Variants in HEPH observed in about 807,000 individuals in gnomAD.
HEPH encodes hephaestin.
HEPH carries 69 observed loss-of-function variants against 80.8 expected under a neutral mutation model. The ratio of observed to expected loss-of-function variants is 0.85; its 90% CI spans 0.70 to 1.04. The LOEUF (loss-of-function observed/expected upper bound fraction) is 1.04. Among genes scored for constraint, HEPH ranks in the 50% least tolerant of loss-of-function variants. The probability of loss-of-function intolerance (pLI) is 0.00; values close to 1 mark genes in which losing one functional copy is unlikely to be tolerated. For missense variants in HEPH, 1,115 were observed against 891.3 expected (o/e 1.25, Z -3.20); for synonymous variants, 431 against 322.8 (o/e 1.34, Z -3.60).
At chrX:66,218,958 T>C (rs967681044) in intron 15 of HEPH, among the ~76,000 whole-genome samples, 13 of 112,035 alleles carry the variant, frequency 1.2e-4, no homozygotes, top group Admixed American at 6.6e-4. Flanking sequence ...TACTTCCTCT[T>C]TCTTTGGAGG....
At chrX:66,208,622 A>G (rs1479809718) in intron 15 of HEPH, among the ~76,000 whole-genome samples, 2 of 60,591 alleles carry the variant, frequency 3.3e-5, no homozygotes, top group Admixed American at 5.1e-4. Context: ...CATCTCAAAT[A>G]TATACATACA....
chrX:66,172,233 C>T lies in HEPH; in HGVS notation c.168-122C>T, dbSNP rs950087864. The T allele has an allele frequency of 1.8e-5, 11 of 609,339 alleles. No individual in the cohort carries two copies. The African/African-American group carries it at 2.3e-4, about 13-fold the overall frequency. 50.2% of individuals were successfully genotyped at this position (609,339 alleles called of 1,213,427 possible). A position where few individuals can be genotyped will look rare whatever the true frequency, so the allele number is the denominator to read the frequency against. ...TTTCATGTTTTGATCAGTACAATGC[C>T]ATTTCCTCTTGTTTTGTCCTAAACA... On this transcript the variant is annotated intron_variant, in intron 2 of 20. Transcript: ENST00000343002.
At chrX:66,187,627 C>T (rs910184182) in intron 4 of HEPH, among the ~76,000 whole-genome samples, 1 of 111,402 alleles carries the variant, frequency 9.0e-6, no homozygotes, top group Admixed American at 9.5e-5. Flanking sequence ...GCTGTGAATA[C>T]CAGCACAGTA....
At chrX:66,232,345 T>C (rs1419550727) in intron 15 of HEPH, among the ~76,000 whole-genome samples, 2 of 111,651 alleles carry the variant, frequency 1.8e-5, no homozygotes, top group African/African-American at 6.5e-5. Context: ...ATAGAAAATT[T>C]ACTCTAAGTG....
intron 12 of HEPH, among the ~76,000 whole-genome samples, chrX:66,202,297 T>A (rs1027889340): frequency 9.0e-6 from 1 of 111,470 alleles, no homozygotes; most frequent in African/African-American, 3.3e-5. Flanking sequence ...CTAGTTGAGT[T>A]TGAGACAATG....
At chrX:66,236,738 C>T (rs1317003438) in intron 15 of HEPH, among the ~76,000 whole-genome samples, 1 of 111,108 alleles carries the variant, frequency 9.0e-6, no homozygotes, top group Admixed American at 9.6e-5. Context: ...TCTGTCTGGT[C>T]CTGTGCTCTT....
intron 13 of HEPH, among the ~76,000 whole-genome samples, chrX:66,203,948 A>G (rs1181325016): frequency 8.9e-6 from 1 of 112,651 alleles, no homozygotes; most frequent in African/African-American, 3.2e-5. Flanking sequence ...TAAGCTATGT[A>G]GCAGAAAATG....
intron 13 of HEPH, 95 bp from the exon 14 acceptor site, chrX:66,207,100 A>T (rs2088825396): frequency 2.6e-6 from 2 of 772,821 alleles, no homozygotes; most frequent in African/African-American, 4.5e-5. Context: ...TGTCTGTGAC[A>T]TGAAGCTGGT....
intron 15 of HEPH, among the ~76,000 whole-genome samples, chrX:66,224,931 TTCTC>T (rs749807112): frequency 1.8e-5 from 2 of 108,911 alleles, no homozygotes; most frequent in Admixed American, 2.0e-4. Context: ...GCCTCTCTCT[TTCTC>T]TCTCTCTCTG....
At chrX:66,200,476 C>T in intron 11 of HEPH, 64 bp from the exon 12 acceptor site, 1 of 927,298 alleles carries the variant, frequency 1.1e-6, no homozygotes, top group Non-Finnish European at 1.5e-6. Flanking sequence ...ATGCCATGCT[C>T]CTGGCCAGTG....
At chrX:66,175,826 T>A (rs774265104) in intron 4 of HEPH, among the ~76,000 whole-genome samples, 1 of 111,677 alleles carries the variant, frequency 9.0e-6, no homozygotes, top group East Asian at 2.8e-4. Flanking sequence ...TGGTCAATGG[T>A]AGTGTATAGA....
At chrX:66,220,173 A>T (rs2089580732) in intron 15 of HEPH, among the ~76,000 whole-genome samples, 1 of 111,205 alleles carries the variant, frequency 9.0e-6, no homozygotes, top group African/African-American at 3.3e-5. Context: ...ATGGCCATTG[A>T]TCTCCCATTA....
chrX:66,233,936 G>T (rs1157662125), intron 15 of HEPH, among the ~76,000 whole-genome samples: 1 of 110,137 alleles, frequency 9.1e-6, no homozygotes. Context: ...AAGTTCAGGG[G>T]TACATGTTCA....
At chrX:66,236,863 C>T (rs2090381515) in intron 15 of HEPH, among the ~76,000 whole-genome samples, 1 of 111,023 alleles carries the variant, frequency 9.0e-6, no homozygotes, top group Non-Finnish European at 1.9e-5. Context: ...CGTATATGTC[C>T]AGAAATTTAT....
downstream of HEPH, chrX:66,268,715 G>T (rs770605364): frequency 5.4e-5 from 6 of 111,499 alleles, no homozygotes; most frequent in Non-Finnish European, 1.9e-5. Context: ...CCAGGTCAAG[G>T]AATAGAAACT....
At chrX:66,198,190 C>A (rs1482826559) in intron 10 of HEPH, among the ~76,000 whole-genome samples, 1 of 105,653 alleles carries the variant, frequency 9.5e-6, no homozygotes, top group Non-Finnish European at 1.9e-5. Flanking sequence ...CTCTCCCCCT[C>A]TCCCTTTCCC....
chrX:66,244,275 G>T (rs1211412384), intron 15 of HEPH, among the ~76,000 whole-genome samples: 1 of 111,726 alleles, frequency 9.0e-6, no homozygotes, highest in African/African-American at 3.2e-5. Flanking sequence ...TTTTCAAGTT[G>T]TTTGCTCTCT....
At chrX:66,174,884 T>C (rs1033255744) in intron 4 of HEPH, among the ~76,000 whole-genome samples, 1 of 111,732 alleles carries the variant, frequency 8.9e-6, no homozygotes, top group Non-Finnish European at 1.9e-5. Flanking sequence ...TTATTGTTGA[T>C]TTGTTTGAGT....
In HEPH at chrX:66,192,132, G is replaced by A; in HGVS notation, c.1066G>A (p.Gly356Ser). ...SCQVNSHFRD[G>S]MQALYKVKSC... ...CAGCCATAATGTTCTTCCTTCAGAT[G>A]GCATGCAGGCACTCTACAAGGTCAA... Residue 356 changes from glycine (G) to serine (S), a missense_variant and splice_region_variant, in exon 7 of 21, where the codon GGC (glycine) becomes AGC (serine). Gly to Ser is a moderately conservative substitution (Grantham distance 56). Transcript: ENST00000343002. The A allele has an allele frequency of 8.3e-7, 1 of 1,204,195 alleles. No individual in the cohort carries two copies. The highest frequency in any genetic ancestry group is 1.1e-6 in the Non-Finnish European group (1 of 891,304).
Sources: gnomAD v4.1 joint callset for allele counts (sites outside exome capture counted in the v4.1 genomes callset) on GRCh38, gnomAD v4.1.1 for gene constraint, MANE v1.5 for transcripts, NCBI Gene and HGNC (gene_info 2026-07-23, HGNC 2026-07-21) for gene names.